The following ABCA13 variants were observed in gnomAD, a reference collection of about 807,000 sequenced individuals.
ABCA13 encodes ATP-binding cassette sub-family A member 13.
Under a neutral mutation model 478.7 loss-of-function variants are expected in ABCA13, and 476 were observed. That is an observed-to-expected ratio of 0.99 (90% CI 0.92 to 1.07). The LOEUF (loss-of-function observed/expected upper bound fraction) is 1.07, where lower values mean the gene tolerates loss of function less well. Among genes scored for constraint, ABCA13 ranks in the 50% least tolerant of loss-of-function variants. ABCA13 has a pLI of 0.00. For missense variants in ABCA13, 6,060 were observed against 5,910.6 expected (o/e 1.03, Z -0.83); for synonymous variants, 2,252 against 2,158.9 (o/e 1.04, Z -1.20).
intron 59 of ABCA13, among the ~76,000 whole-genome samples, chr7:48,630,530 T>C (rs560069596): frequency 6.6e-6 from 1 of 152,324 alleles, no homozygotes; most frequent in African/African-American, 2.4e-5. Flanking sequence ...CCATGGTATA[T>C]ATGTACCACA....
chr7:48,294,317 C>G (rs1313116397), intron 20 of ABCA13, among the ~76,000 whole-genome samples: 1 of 151,904 alleles, frequency 6.6e-6, no homozygotes, highest in African/African-American at 2.4e-5. Flanking sequence ...TATTAATTCT[C>G]TAGATGTGTT....
At chr7:48,297,940 ATTTTTTTT>A (rs35586036) in intron 22 of ABCA13, among the ~76,000 whole-genome samples, 1 of 131,276 alleles carries the variant, frequency 7.6e-6, no homozygotes, top group Non-Finnish European at 1.6e-5. Context: ...ATGCCCGGCT[ATTTTTTTT>A]TTTTTTTTTG....
intron 15 of ABCA13, among the ~76,000 whole-genome samples, chr7:48,260,998 T>TC (rs1562902195): frequency 6.7e-6 from 1 of 149,096 alleles, no homozygotes; most frequent in African/African-American, 2.4e-5. Context: ...TTAAAATGTC[T>TC]TTTTTTTTTA....
chr7:48,335,457 A>G lies in ABCA13; in HGVS notation c.10035A>G (p.Lys3345=), dbSNP rs754267625. 2 of 1,613,062 alleles carry G rather than the reference A, an allele frequency of 1.2e-6. No individual in the cohort carries two copies. The highest frequency in any genetic ancestry group is 1.7e-5 in the Admixed American group (1 of 59,928). The change falls in exon 28 of 62, where the codon AAA becomes AAG. Residue 3345 remains lysine, a synonymous_variant. Transcript: ENST00000435803. The part of the protein sequence containing the change: ...NYTFYIVDKL[K]TLSETLLEMS... Reference sequence around the variant, plus strand: ...CCTTTTATATTGTGGACAAACTAAAAACTTTATCAGAAACACTGCTGGAAA... The same window carrying G: ...CCTTTTATATTGTGGACAAACTAAAGACTTTATCAGAAACACTGCTGGAAA...
At chr7:48,184,934 C>T (rs1429820860) in intron 1 of ABCA13, among the ~76,000 whole-genome samples, 1 of 152,190 alleles carries the variant, frequency 6.6e-6, no homozygotes, top group African/African-American at 2.4e-5. Context: ...CCCTTGGGCT[C>T]AAGCAATCCT....
intron 58 of ABCA13, among the ~76,000 whole-genome samples, chr7:48,597,810 G>A (rs1790452107): frequency 6.6e-6 from 1 of 152,016 alleles, no homozygotes; most frequent in Non-Finnish European, 1.5e-5. Context: ...AATAGTTTTA[G>A]GTTCACTGAA....
chr7:48,399,373 A>G lies in ABCA13; in HGVS notation c.11874-4310A>G, dbSNP rs761499059. Among the ~76,000 whole-genome samples the G allele has an allele frequency of 2.6e-5, 4 of 152,166 alleles. No homozygotes were observed. In the East Asian group the frequency reaches 7.7e-4, roughly 29 times the overall value. On this transcript the variant is annotated intron_variant, in intron 38 of 61. Coordinates refer to ENST00000435803, the MANE Select transcript of ABCA13 (RefSeq NM_152701.5). ...ACAGGGGAAGGGATTTAGACAAGAG[A>G]CAAGGGGTTGTCTCTCCTGAGAGCA... is the stretch of plus-strand genomic sequence containing the variant.
intron 31 of ABCA13, among the ~76,000 whole-genome samples, chr7:48,357,730 A>G (rs900694909): frequency 1.3e-5 from 2 of 151,988 alleles, no homozygotes; most frequent in Non-Finnish European, 2.9e-5. Context: ...AAGATCTCAC[A>G]GCATCTTAAT....
In ABCA13 at chr7:48,248,240, A is replaced by T; in HGVS notation, c.1661A>T (p.Asp554Val). ...NKLLGSVEDA[D>V]RILQEVITWH... is the part of the protein sequence containing the mutation. ...GCAATATCTTCTTTTCTTGTTAAGGATCGTATTTTGCAAGAGGTCATTACT... is the reference window on the plus strand; with the variant it reads ...GCAATATCTTCTTTTCTTGTTAAGGTTCGTATTTTGCAAGAGGTCATTACT... The change falls in exon 14 of 62, where the codon GAT (aspartate) becomes GTT (valine). Residue 554 changes from aspartate (D) to valine (V), a missense_variant and splice_region_variant. Asp to Val is a radical substitution (Grantham distance 152, BLOSUM62 -3). Around this residue, in one of 3 missense-constraint regions of ABCA13, gnomAD observed 4,423 missense variants for 4,309.1 expected, o/e 1.03. Coordinates refer to ENST00000435803, the MANE Select transcript of ABCA13 (RefSeq NM_152701.5). 1.9e-6 allele frequency: 3 copies of T among 1,611,168 alleles called. No individual in the cohort carries two copies. Among genetic ancestry groups the T allele is most frequent in the East Asian group, 2.2e-5 (1 of 44,832 alleles).
intron 48 of ABCA13, among the ~76,000 whole-genome samples, chr7:48,503,584 A>G (rs989826694): frequency 6.6e-6 from 1 of 152,082 alleles, no homozygotes; most frequent in Non-Finnish European, 1.5e-5. Flanking sequence ...AATGTCTTTC[A>G]TGTTCATTCA....
intron 32 of ABCA13, among the ~76,000 whole-genome samples, chr7:48,369,447 G>T (rs556160030): frequency 6.6e-6 from 1 of 152,024 alleles, no homozygotes; most frequent in Non-Finnish European, 1.5e-5. Flanking sequence ...TTGGGTTCTT[G>T]GTCATGAAGT....
chr7:48,433,888 G>T (rs1245198367), intron 42 of ABCA13, among the ~76,000 whole-genome samples: 2 of 152,038 alleles, frequency 1.3e-5, no homozygotes, highest in African/African-American at 4.8e-5. Context: ...TCCATTATAT[G>T]TATGTATCAC....
Position 48,274,998 on chromosome 7 carries a change from C to G in ABCA13, c.5332C>G (p.Leu1778Val), listed in dbSNP as rs1437299053. ...CAAGGATGTCTACAGCTTCACACTC[C>G]TTCATGGCATAACCATTTCAAATAT... Reference protein sequence around the residue: ...GLKDVYSFTLLHGITISNITK... With the variant: ...GLKDVYSFTLVHGITISNITK... Residue 1778 changes from leucine (L) to valine (V), a missense_variant, in exon 17 of 62, where the codon CTT becomes GTT. Physicochemically the swap from Leu to Val is conservative, Grantham distance 32. Transcript: ENST00000435803. The G allele has an allele frequency of 2.5e-6, 4 of 1,613,826 alleles. No homozygotes were observed. Among genetic ancestry groups the G allele is most frequent in the Admixed American group, 1.7e-5 (1 of 59,988 alleles).
At chr7:48,579,354 A>T (rs1279809811) in intron 55 of ABCA13, among the ~76,000 whole-genome samples, 1 of 152,270 alleles carries the variant, frequency 6.6e-6, no homozygotes, top group Non-Finnish European at 1.5e-5. Context: ...AGACAGATGC[A>T]AATAAGTTCA....
chr7:48,548,364 G>C (rs1785006764), intron 55 of ABCA13, among the ~76,000 whole-genome samples: 1 of 151,828 alleles, frequency 6.6e-6, no homozygotes, highest in Non-Finnish European at 1.5e-5. Context: ...TTTCACTGAA[G>C]AGGAATATTG....
intron 13 of ABCA13, among the ~76,000 whole-genome samples, chr7:48,246,898 G>A (rs1457564077): frequency 6.6e-6 from 1 of 152,084 alleles, no homozygotes; most frequent in African/African-American, 2.4e-5. Flanking sequence ...GTAAGATTTG[G>A]AAGCAAAGAG....
intron 26 of ABCA13, among the ~76,000 whole-genome samples, chr7:48,314,964 A>C (rs1026284298): frequency 6.6e-6 from 1 of 152,194 alleles, no homozygotes; most frequent in Non-Finnish European, 1.5e-5. Context: ...TTAATACATA[A>C]TTTTTTGGCC....
intron 55 of ABCA13, among the ~76,000 whole-genome samples, chr7:48,537,070 GTTATA>G (rs1390792312): frequency 8.6e-5 from 13 of 151,818 alleles, no homozygotes; most frequent in Admixed American, 2.6e-4. Flanking sequence ...ATTTCTATAA[GTTATA>G]TTTTCCAGAT....
chr7:48,559,590 C>T (rs556286718), intron 55 of ABCA13, among the ~76,000 whole-genome samples: 1 of 152,094 alleles, frequency 6.6e-6, no homozygotes, highest in South Asian at 2.1e-4. Flanking sequence ...CTCTGCCCTT[C>T]TCAAGCAGAA....
Sources: gnomAD v4.1 joint callset for allele counts (sites outside exome capture counted in the v4.1 genomes callset) on GRCh38, gnomAD v4.1.1 for gene constraint, gnomAD v4.1.1 regional missense constraint, MANE v1.5 for transcripts, NCBI Gene and HGNC (gene_info 2026-07-23, HGNC 2026-07-21) for gene names.